SORCS1: variants seen among roughly 807,000 people sequenced by gnomAD.
The protein encoded by SORCS1 is sortilin related VPS10 domain containing receptor 1, also known as VPS10 domain-containing receptor SorCS1.
In SORCS1, 60 loss-of-function variants were observed where a neutral mutation model predicts 146.1. The ratio of observed to expected loss-of-function variants is 0.41; its 90% CI spans 0.33 to 0.51. SORCS1 has a LOEUF of 0.51. Ranked by LOEUF, SORCS1 falls within the 20% of genes least tolerant of loss-of-function variation. SORCS1 has a pLI of 0.21. For synonymous variants in SORCS1, 637 were observed against 584.0 expected, an observed-to-expected ratio of 1.09 and a Z score of -1.31; for missense variants, 1,352 against 1,487.6, an observed-to-expected ratio of 0.91 and a Z score of 1.50.
intron 5 of SORCS1, among the ~76,000 whole-genome samples, chr10:106,737,055 A>ATGTGAG (rs67444252): frequency 1.3e-5 from 2 of 150,974 alleles, no homozygotes; most frequent in African/African-American, 2.4e-5. Flanking sequence ...GTGTGTGTGC[A>ATGTGAG]TGTGAGTGTG....
intron 1 of SORCS1, among the ~76,000 whole-genome samples, chr10:107,141,470 A>G (rs1178416161): frequency 2.0e-5 from 3 of 149,982 alleles, no homozygotes; most frequent in African/African-American, 7.4e-5. Flanking sequence ...ACTATTTTTC[A>G]AAAAGGTAGT....
At position 107,164,464 on chromosome 10, in the gene SORCS1, C is replaced by A. The variant is rs568647489; in HGVS notation, c.63G>T (p.Ala21=). The change falls in exon 1 of 26, where the codon GCG becomes GCT. Residue 21 remains alanine, a synonymous_variant. Coordinates refer to ENST00000263054, the MANE Select transcript of SORCS1 (RefSeq NM_052918.5). The surrounding 1 kb of genome is among the most constrained non-coding windows in gnomAD (Gnocchi z 6.8). ...CCGGGGCGCAGAGGATCAAGAGCCC[C>A]GCGCCGGCGAGGAGCGCGCTCAGCC... The part of the protein sequence containing the change: ...QARLSALLAG[A]GLLILCAPGV... 26 of 1,368,698 alleles carry A rather than the reference C, an allele frequency of 1.9e-5. No individual in the cohort carries two copies. In the South Asian group the frequency reaches 2.7e-4, roughly 14 times the overall value. The allele number at this position is 1,368,698 out of a possible 1,614,324, so 84.8% of individuals were successfully genotyped here. A position where few individuals can be genotyped will look rare whatever the true frequency, so the allele number is the denominator to read the frequency against.
chr10:106,620,838 A>G (rs1847697390), intron 19 of SORCS1, among the ~76,000 whole-genome samples: 1 of 152,214 alleles, frequency 6.6e-6, no homozygotes, highest in Admixed American at 6.5e-5. Flanking sequence ...TAACTTATGA[A>G]GTCCTTAAGA....
At chr10:106,660,804 G>GT (rs1315430293) in intron 17 of SORCS1, among the ~76,000 whole-genome samples, 5 of 150,766 alleles carry the variant, frequency 3.3e-5, no homozygotes, top group African/African-American at 1.2e-4. Context: ...CTGAAGAGCA[G>GT]TAAGAACTGT....
At chr10:107,150,341 C>A (rs1238866116) in intron 1 of SORCS1, among the ~76,000 whole-genome samples, 6 of 152,198 alleles carry the variant, frequency 3.9e-5, no homozygotes, top group African/African-American at 1.4e-4. Flanking sequence ...AGTCCGACTT[C>A]CAAAACAAAA....
At chr10:106,851,614 G>T (rs928507004) in intron 2 of SORCS1, among the ~76,000 whole-genome samples, 2 of 152,146 alleles carry the variant, frequency 1.3e-5, no homozygotes, top group Admixed American at 6.5e-5. Flanking sequence ...CAAGTTTATT[G>T]TAAGTCTTGA....
Position 106,971,972 on chromosome 10 carries a change from G to T in SORCS1, c.559-15392C>A, listed in dbSNP as rs995312934. Among the ~76,000 whole-genome samples, 4 of 152,210 alleles carry T rather than the reference G, an allele frequency of 2.6e-5. No homozygotes were observed. The South Asian group carries it at 8.3e-4, about 31-fold the overall frequency. ...AGGGTGAGGGCTAATGCAAGAGGTTGAAAGGGCTGGATTCTGGTTACAGAG... is the reference window on the plus strand; with the variant it reads ...AGGGTGAGGGCTAATGCAAGAGGTTTAAAGGGCTGGATTCTGGTTACAGAG... On this transcript the variant is annotated intron_variant, in intron 1 of 25. Coordinates refer to ENST00000263054, the MANE Select transcript of SORCS1 (RefSeq NM_052918.5).
chr10:107,170,651 G>T, the SORCS1 span, among the ~76,000 whole-genome samples: 1 of 152,224 alleles, frequency 6.6e-6, no homozygotes, highest in Non-Finnish European at 1.5e-5. Context: ...GTATCTTACA[G>T]AAGAAGGAGG....
chr10:106,654,663 C>T (rs1474160188), intron 17 of SORCS1, among the ~76,000 whole-genome samples: 1 of 152,152 alleles, frequency 6.6e-6, no homozygotes, highest in African/African-American at 2.4e-5. Context: ...CCAAACCCTC[C>T]AAGCATCTCA....
chr10:106,896,127 T>G (rs939213482), intron 2 of SORCS1, among the ~76,000 whole-genome samples: 8 of 152,098 alleles, frequency 5.3e-5, no homozygotes, highest in Non-Finnish European at 1.0e-4. Context: ...GTAGTCAAAT[T>G]CATAGAAATG....
rs1307451245 is a variant in SORCS1 at position 106,575,964 on chromosome 10, C to T, written c.*1456G>A. 1 of 152,640 alleles carries T rather than the reference C, an allele frequency of 6.6e-6. No individual in the cohort carries two copies. Among genetic ancestry groups the T allele is most frequent in the Non-Finnish European group, 1.5e-5 (1 of 68,042 alleles). The allele number at this position is 152,640 out of a possible 1,614,324, so 9.5% of individuals were successfully genotyped here. A position where few individuals can be genotyped will look rare whatever the true frequency, so the allele number is the denominator to read the frequency against. ...TGTCACACATTCAAAACATTTCTCA[C>T]AAGAATCTTCTGGAATCAGATCGCA... On this transcript the variant is annotated 3_prime_UTR_variant, in exon 26 of 26. Coordinates refer to ENST00000263054, the MANE Select transcript of SORCS1 (RefSeq NM_052918.5).
chr10:107,070,943 C>T (rs756635709), intron 1 of SORCS1, among the ~76,000 whole-genome samples: 1 of 151,938 alleles, frequency 6.6e-6, no homozygotes, highest in South Asian at 2.1e-4. Flanking sequence ...GTCCCATAAA[C>T]GAGGCTTGCT....
At chr10:106,954,550 T>C (rs910700066) in intron 2 of SORCS1, among the ~76,000 whole-genome samples, 3 of 152,114 alleles carry the variant, frequency 2.0e-5, no homozygotes, top group East Asian at 1.9e-4. Flanking sequence ...GGCTTGAAGG[T>C]TGGGTTTCAT....
chr10:106,847,764 C>T (rs1949361238), intron 2 of SORCS1, among the ~76,000 whole-genome samples: 1 of 119,866 alleles, frequency 8.3e-6, no homozygotes, highest in Non-Finnish European at 1.9e-5. Context: ...GAATGCATCC[C>T]AGAGATTCTG....
At chr10:106,589,866 A>C (rs2133262206) in intron 24 of SORCS1, among the ~76,000 whole-genome samples, 1 of 144,508 alleles carries the variant, frequency 6.9e-6, no homozygotes, top group South Asian at 2.3e-4. Context: ...AAAGGAAAAA[A>C]CCCCAAAATC....
At chr10:106,743,765 G>T (rs1196623459) in intron 5 of SORCS1, among the ~76,000 whole-genome samples, 1 of 151,980 alleles carries the variant, frequency 6.6e-6, no homozygotes, top group Non-Finnish European at 1.5e-5. Context: ...AAATAACACC[G>T]CTGTGAAAAA....
intron 1 of SORCS1, among the ~76,000 whole-genome samples, chr10:107,051,654 T>G (rs1036606627): frequency 1.3e-5 from 2 of 152,184 alleles, no homozygotes; most frequent in Non-Finnish European, 2.9e-5. Context: ...GTAGAATGAT[T>G]TTTAGTGTTA....
chr10:107,151,562 T>C (rs1968798743), intron 1 of SORCS1, among the ~76,000 whole-genome samples: 1 of 152,148 alleles, frequency 6.6e-6, no homozygotes, highest in Non-Finnish European at 1.5e-5. Flanking sequence ...ATGAGACTTA[T>C]TAACTATGAC....
At chr10:107,171,286 CAGA>C in the SORCS1 span, among the ~76,000 whole-genome samples, 1 of 152,286 alleles carries the variant, frequency 6.6e-6, no homozygotes, top group Non-Finnish European at 1.5e-5. Flanking sequence ...TGTTGGAACG[CAGA>C]AGGTTCACTC....
Sources: allele counts gnomAD v4.1 joint callset (sites outside exome capture counted in the v4.1 genomes callset), GRCh38; gene constraint gnomAD v4.1.1; non-coding constraint Gnocchi (gnomAD v3.1); transcripts MANE v1.5; gene names NCBI Gene and HGNC (gene_info 2026-07-23, HGNC 2026-07-21).